MAX: variants seen among roughly 807,000 people sequenced by gnomAD.
MAX encodes protein max.
In MAX, 3 loss-of-function variants were observed where a neutral mutation model predicts 22.3. The observed-to-expected ratio is 0.13, with a 90% CI of 0.06 to 0.35. MAX has a LOEUF of 0.35. Ranked by LOEUF, MAX falls within the 10% of genes least tolerant of loss-of-function variation. The pLI is 1.00. For missense variants in MAX, 119 were observed against 209.4 expected (o/e 0.57, Z 2.66); for synonymous variants, 72 against 77.7 (o/e 0.93, Z 0.39).
chr14:65,031,630 T>TA lies in MAX; in HGVS notation c.172-25347dup, dbSNP rs1182117603. On this transcript the variant is annotated intron_variant, in intron 3 of 3. Transcript: ENST00000341653. The surrounding 1 kb of genome is among the most constrained non-coding windows in gnomAD (Gnocchi z 4.6). ...TGTGCCCAGCCTAATAATGCTTTTT[T>TA]AAAAAATAGCCCGGGCGCGGTGGCT... 6.6e-6 allele frequency among the ~76,000 whole-genome samples: 1 copy of TA among 151,324 alleles called. No individual in the cohort carries two copies.
intron 1 of MAX, 71 bp downstream of exon 1, chr14:65,102,233 C>A (rs1566635095): frequency 8.1e-6 from 13 of 1,600,832 alleles, no homozygotes; most frequent in Admixed American, 1.7e-5. Context: ...CCCGCCGTCG[C>A]CCCGCTAAGA....
downstream of MAX, chr14:65,075,072 G>A: frequency 9.9e-7 from 1 of 1,011,304 alleles, no homozygotes; most frequent in Non-Finnish European, 1.2e-6. The surrounding 1 kb of genome is among the most constrained non-coding windows in gnomAD (Gnocchi z 4.1). Context: ...CTTCCAGAGG[G>A]GTCTCTCATC....
At position 65,047,419 on chromosome 14, in the gene MAX, G is replaced by A. The variant is rs376015385; in HGVS notation, c.172-41135C>T. 2.6e-5 allele frequency among the ~76,000 whole-genome samples: 4 copies of A among 152,270 alleles called. No homozygotes were observed. Among genetic ancestry groups the A allele is most frequent in the South Asian group, 2.1e-4 (1 of 4,828 alleles). On this transcript the variant is annotated intron_variant, in intron 3 of 3. Coordinates refer to the MAX transcript ENST00000341653. The surrounding 1 kb of genome is among the most constrained non-coding windows in gnomAD (Gnocchi z 5.2). ...CACAGTAGGTGGCCATTAATCCAAC[G>A]AAAAATTGTTTAGCTCACTTGTAGT...
At position 65,014,455 on chromosome 14, in the gene MAX, A is replaced by T. The variant is rs988275240; in HGVS notation, c.172-8171T>A. Among the ~76,000 whole-genome samples, 1 of 152,078 alleles carries T rather than the reference A, an allele frequency of 6.6e-6. No homozygotes were observed. The highest frequency in any genetic ancestry group is 1.5e-5 in the Non-Finnish European group (1 of 68,006). Reference sequence around the variant, plus strand: ...TCCAGAAAGACATGAGGTAACTTATATGTCTGTCCAGTGCTCTCTTCCCCT... The same window carrying T: ...TCCAGAAAGACATGAGGTAACTTATTTGTCTGTCCAGTGCTCTCTTCCCCT... On this transcript the variant is annotated intron_variant, in intron 3 of 3. Coordinates refer to the MAX transcript ENST00000341653. The surrounding 1 kb of genome is among the most constrained non-coding windows in gnomAD (Gnocchi z 5.1).
At chr14:65,060,093 A>G (rs2062828306) in intron 3 of MAX, among the ~76,000 whole-genome samples, 1 of 151,578 alleles carries the variant, frequency 6.6e-6, no homozygotes, top group Admixed American at 6.6e-5. Context: ...TCGGCCTCCC[A>G]AAATGCTGGG....
At chr14:65,022,707 T>G (rs908973454) in intron 3 of MAX, among the ~76,000 whole-genome samples, 1 of 152,050 alleles carries the variant, frequency 6.6e-6, no homozygotes, top group Non-Finnish European at 1.5e-5. Context: ...TTTACAACTC[T>G]CATGTGAATT....
Position 65,054,115 on chromosome 14 carries a change from T to C in MAX, c.171+39593A>G, listed in dbSNP as rs1007615261. Reference sequence around the variant, plus strand: ...CTGGAGGATGGGGCTTTTATTTTATTGTATTTTACTTTTTTGAGACAGGGT... The same window carrying C: ...CTGGAGGATGGGGCTTTTATTTTATCGTATTTTACTTTTTTGAGACAGGGT... On this transcript the variant is annotated intron_variant, in intron 3 of 3. Transcript: ENST00000341653. This position sits in a 1 kb window ranked among gnomAD's most constrained non-coding sequence, Gnocchi z 4.4. Among the ~76,000 whole-genome samples the C allele has an allele frequency of 6.6e-6, 1 of 152,038 alleles. No homozygotes were observed. The highest frequency in any genetic ancestry group is 1.5e-5 in the Non-Finnish European group (1 of 68,000).
downstream of MAX, among the ~76,000 whole-genome samples, chr14:65,074,538 C>T (rs1183929562): frequency 6.6e-6 from 1 of 152,236 alleles, no homozygotes; most frequent in East Asian, 1.9e-4. Context: ...CTAGGAACAG[C>T]AGTATTTCCT....
Position 65,012,301 on chromosome 14 carries a change from C to A in MAX, c.172-6017G>T. Reference sequence around the variant, plus strand: ...TAAGCTATTAGAATGGGCTTATAAACTGTTTGTCTTTCCAGGCTTGTTTTG... The same window carrying A: ...TAAGCTATTAGAATGGGCTTATAAAATGTTTGTCTTTCCAGGCTTGTTTTG... On this transcript the variant is annotated intron_variant, in intron 3 of 3. Transcript: ENST00000341653. This position sits in a 1 kb window ranked among gnomAD's most constrained non-coding sequence, Gnocchi z 5.0. 6.2e-7 allele frequency: 1 copy of A among 1,614,038 alleles called. No homozygotes were observed. Among genetic ancestry groups the A allele is most frequent in the Non-Finnish European group, 8.5e-7 (1 of 1,179,906 alleles).
At chr14:65,096,003 AAT>A (rs1566625848) in intron 2 of MAX, among the ~76,000 whole-genome samples, 1 of 152,154 alleles carries the variant, frequency 6.6e-6, no homozygotes, top group African/African-American at 2.4e-5. Context: ...AAAGGACTCA[AAT>A]GGACAAGTCT....
intron 3 of MAX, among the ~76,000 whole-genome samples, chr14:65,043,218 C>T (rs933084733): frequency 6.6e-6 from 1 of 152,180 alleles, no homozygotes; most frequent in African/African-American, 2.4e-5. Context: ...CCAGTTGGTT[C>T]TGCTCATTCT....
chr14:65,038,887 A>C (rs2062278090), intron 3 of MAX, among the ~76,000 whole-genome samples: 1 of 151,690 alleles, frequency 6.6e-6, no homozygotes, highest in Non-Finnish European at 1.5e-5. Flanking sequence ...TTACTTCCTG[A>C]CTACTTTTTT....
chr14:65,093,966 C>G lies in MAX; in HGVS notation c.64-151G>C. 1 of 698,022 alleles carries G rather than the reference C, an allele frequency of 1.4e-6. No individual in the cohort carries two copies. The allele number at this position is 698,022 out of a possible 1,614,324, so 43.2% of individuals were successfully genotyped here. ...TCTCGAGGTGGGCAGTTAGGAGTCT[C>G]CAGAATTAGGCTCTGCTAAAGGGGG... On this transcript the variant is annotated intron_variant, in intron 2 of 4. Transcript: ENST00000358664. The surrounding 1 kb of genome is among the most constrained non-coding windows in gnomAD (Gnocchi z 4.4).
chr14:65,051,189 C>T (rs2062600429), intron 3 of MAX, among the ~76,000 whole-genome samples: 1 of 152,234 alleles, frequency 6.6e-6, no homozygotes, highest in African/African-American at 2.4e-5. Flanking sequence ...AGACGAGAAG[C>T]TTTTGTCCCT....
chr14:65,046,852 G>GCCT (rs71444682), intron 3 of MAX, among the ~76,000 whole-genome samples: 1 of 151,476 alleles, frequency 6.6e-6, no homozygotes, highest in Non-Finnish European at 1.5e-5. Flanking sequence ...GGTGATGTTT[G>GCCT]CTTCTGTTTG....
In MAX at chr14:65,017,656, A is replaced by T. The variant is rs1012392881; in HGVS notation, c.172-11372T>A. Among the ~76,000 whole-genome samples, 43 of 152,282 alleles carry T rather than the reference A, an allele frequency of 2.8e-4. 1 individual carries two copies. The South Asian group carries it at 2.9e-3, about 10-fold the overall frequency. ...CAACAGTAGAGAATGTTTAAAAAAAATTTTTTTTAAATGTAAAGCTGGGTG... is the reference window on the plus strand; with the variant it reads ...CAACAGTAGAGAATGTTTAAAAAAATTTTTTTTTAAATGTAAAGCTGGGTG... On this transcript the variant is annotated intron_variant, in intron 3 of 3. Transcript: ENST00000341653.
In MAX at chr14:65,031,680, G is replaced by A. The variant is rs908793041; in HGVS notation, c.172-25396C>T. 1.3e-5 allele frequency among the ~76,000 whole-genome samples: 2 copies of A among 152,110 alleles called. No homozygotes were observed. Among genetic ancestry groups the A allele is most frequent in the African/African-American group, 2.4e-5 (1 of 41,444 alleles). On this transcript the variant is annotated intron_variant, in intron 3 of 3. Transcript: ENST00000341653. This position sits in a 1 kb window ranked among gnomAD's most constrained non-coding sequence, Gnocchi z 4.6. ...TTATGCCTGTAATCCCAGCACTTTG[G>A]GAGGCCAAGGCAGGTGGATTGCTTG... is the stretch of plus-strand genomic sequence containing the variant.
At chr14:65,041,346 C>T (rs1212149438) in intron 3 of MAX, among the ~76,000 whole-genome samples, 2 of 152,210 alleles carry the variant, frequency 1.3e-5, no homozygotes, top group African/African-American at 4.8e-5. Context: ...GTTGTTTAGG[C>T]AGAGCTGGCT....
intron 3 of MAX, among the ~76,000 whole-genome samples, chr14:65,059,867 G>A (rs997802240): frequency 2.9e-5 from 4 of 135,800 alleles, no homozygotes; most frequent in African/African-American, 5.9e-5. Context: ...ACAGAGTCTC[G>A]CTGTTGCCCA....
Sources: allele counts gnomAD v4.1 joint callset (sites outside exome capture counted in the v4.1 genomes callset), GRCh38; gene constraint gnomAD v4.1.1; non-coding constraint Gnocchi (gnomAD v3.1); transcripts MANE v1.5; gene names NCBI Gene and HGNC (gene_info 2026-07-23, HGNC 2026-07-21).